Variants in NUDT2 observed in about 807,000 individuals in gnomAD.
NUDT2 encodes bis(5'-nucleosyl)-tetraphosphatase [asymmetrical].
NUDT2 carries 12 observed loss-of-function variants against 14.2 expected under a neutral mutation model. The ratio of observed to expected loss-of-function variants is 0.84; its 90% CI spans 0.54 to 1.37. The LOEUF is 1.37. Among genes scored for constraint, NUDT2 ranks in the 40% most tolerant of loss-of-function variants. NUDT2 has a pLI of 0.00. For missense variants in NUDT2, 167 were observed against 176.7 expected, an observed-to-expected ratio of 0.95 and a Z score of 0.31; for synonymous variants, 67 against 67.4, an observed-to-expected ratio of 0.99 and a Z score of 0.03.
At chr9:34,335,626 T>C (rs1838071807) in intron 1 of NUDT2, among the ~76,000 whole-genome samples, 1 of 152,210 alleles carries the variant, frequency 6.6e-6, no homozygotes, top group South Asian at 2.1e-4. Flanking sequence ...AGCCAAGCAA[T>C]TGAAAGAGCA....
At chr9:34,342,977 T>C (rs1337017073) in intron 4 of NUDT2, 147 bp from the exon 5 acceptor site, 2 of 677,964 alleles carry the variant, frequency 3.0e-6, no homozygotes, top group African/African-American at 1.8e-5. Context: ...GGTGAGCTGA[T>C]TGCACTACTG....
chr9:34,340,852 C>A (rs975608881), intron 4 of NUDT2, among the ~76,000 whole-genome samples: 1 of 152,056 alleles, frequency 6.6e-6, no homozygotes, highest in Admixed American at 6.6e-5. Flanking sequence ...ATTATTATTA[C>A]TATTTTATAG....
chr9:34,343,088 T>G, intron 4 of NUDT2, 36 bp from the exon 5 acceptor site: 1 of 1,541,946 alleles, frequency 6.5e-7, no homozygotes, highest in Non-Finnish European at 8.8e-7. Flanking sequence ...TTTGGAAGAT[T>G]TCCTCCTCCT....
chr9:34,334,403 C>T (rs1372231930), intron 1 of NUDT2, among the ~76,000 whole-genome samples: 1 of 152,192 alleles, frequency 6.6e-6, no homozygotes, highest in African/African-American at 2.4e-5. Context: ...CCTCCGCAAT[C>T]CTGGCTGCAG....
chr9:34,337,820 C>A (rs1440932443), intron 2 of NUDT2, among the ~76,000 whole-genome samples: 1 of 152,110 alleles, frequency 6.6e-6, no homozygotes, highest in East Asian at 1.9e-4. Context: ...TTGCCAGCTG[C>A]TCAGGAGGCT....
At chr9:34,334,074 G>A (rs753059932) in intron 1 of NUDT2, among the ~76,000 whole-genome samples, 8 of 152,080 alleles carry the variant, frequency 5.3e-5, no homozygotes, top group Non-Finnish European at 1.0e-4. Context: ...CAGGTCAGAG[G>A]GAAAATTTGG....
At chr9:34,340,368 G>A (rs970505703) in intron 4 of NUDT2, among the ~76,000 whole-genome samples, 1 of 151,760 alleles carries the variant, frequency 6.6e-6, no homozygotes, top group Non-Finnish European at 1.5e-5. Flanking sequence ...TGGCAGGAGT[G>A]GAGGAGTGAG....
intron 4 of NUDT2, among the ~76,000 whole-genome samples, chr9:34,339,626 T>C (rs967532375): frequency 6.6e-6 from 1 of 152,146 alleles, no homozygotes; most frequent in Admixed American, 6.6e-5. Context: ...GCAGATTGCT[T>C]GAGCCCAGGA....
At chr9:34,341,544 CTG>C (rs1820187916) in intron 4 of NUDT2, among the ~76,000 whole-genome samples, 1 of 152,214 alleles carries the variant, frequency 6.6e-6, no homozygotes, top group Non-Finnish European at 1.5e-5. Flanking sequence ...GAGTCTCGCT[CTG>C]TTGCCCAAAC....
chr9:34,341,574 A>G (rs753415015), intron 4 of NUDT2, among the ~76,000 whole-genome samples: 1 of 152,152 alleles, frequency 6.6e-6, no homozygotes, highest in Non-Finnish European at 1.5e-5. Flanking sequence ...CAATGGCACA[A>G]TCTTGGCTCG....
chr9:34,339,167 G>A lies in NUDT2; in HGVS notation c.127+1G>A. The A allele has an allele frequency of 6.2e-7, 1 of 1,612,594 alleles. No individual in the cohort carries two copies. The highest frequency in any genetic ancestry group is 8.5e-7 in the Non-Finnish European group (1 of 1,178,816). On this transcript the variant is annotated splice_donor_variant, in intron 4 of 4. Transcript: ENST00000379158. LOFTEE classifies it high-confidence loss of function. ...ATTCATCACTGGACTCCTCCCAAAGGTAGAGGCCAGAGGGGCCAGCTCTTG... is the reference window on the plus strand; with the variant it reads ...ATTCATCACTGGACTCCTCCCAAAGATAGAGGCCAGAGGGGCCAGCTCTTG...
At chr9:34,331,537 A>AT (rs1837937268) in intron 1 of NUDT2, among the ~76,000 whole-genome samples, 1 of 152,220 alleles carries the variant, frequency 6.6e-6, no homozygotes, top group Non-Finnish European at 1.5e-5. Context: ...TACCAGACAG[A>AT]TGCAGGGGCA....
At chr9:34,334,655 G>T (rs957027305) in intron 1 of NUDT2, among the ~76,000 whole-genome samples, 2 of 152,216 alleles carry the variant, frequency 1.3e-5, no homozygotes, top group Non-Finnish European at 2.9e-5. Flanking sequence ...TGAGTGGGAG[G>T]TGGGGAGAGA....
chr9:34,332,033 T>C (rs2131851740), intron 1 of NUDT2, among the ~76,000 whole-genome samples: 1 of 152,364 alleles, frequency 6.6e-6, no homozygotes, highest in South Asian at 2.1e-4. Flanking sequence ...ACTGGTCTGT[T>C]GCAATAGACT....
At chr9:34,342,336 C>T (rs912583489) in intron 4 of NUDT2, among the ~76,000 whole-genome samples, 8 of 152,312 alleles carry the variant, frequency 5.3e-5, no homozygotes, top group Admixed American at 3.9e-4. Context: ...CAGGGTCCAC[C>T]TGCAGACAAT....
chr9:34,329,829 C>A (rs1239881344), intron 1 of NUDT2, among the ~76,000 whole-genome samples: 1 of 150,240 alleles, frequency 6.7e-6, no homozygotes, highest in Non-Finnish European at 1.5e-5. Context: ...CTGAGCCTTG[C>A]TTGTCCCCGT....
chr9:34,342,004 C>G (rs905681461), intron 4 of NUDT2, among the ~76,000 whole-genome samples: 11 of 152,296 alleles, frequency 7.2e-5, no homozygotes, highest in Middle Eastern at 6.8e-3. Context: ...CAGTCTTTGC[C>G]CCCTCTGGGG....
intron 1 of NUDT2, among the ~76,000 whole-genome samples, chr9:34,334,959 T>G (rs969963789): frequency 6.6e-6 from 1 of 152,188 alleles, no homozygotes; most frequent in African/African-American, 2.4e-5. Context: ...CTGTACGCTG[T>G]GAAGGACAGA....
At position 34,343,202 on chromosome 9, in the gene NUDT2, A is replaced by T; in HGVS notation, c.206A>T (p.Gln69Leu). 1 of 1,614,146 alleles carries T rather than the reference A, an allele frequency of 6.2e-7. No homozygotes were observed. The highest frequency in any genetic ancestry group is 1.1e-5 in the South Asian group (1 of 91,090). Reference sequence around the variant, plus strand: ...GAGGAAGCAGGCATAGAAGCAGGCCAGCTGACCATTATTGAGGGGTTCAAA... The same window carrying T: ...GAGGAAGCAGGCATAGAAGCAGGCCTGCTGACCATTATTGAGGGGTTCAAA... ...TQEEAGIEAG[Q>L]LTIIEGFKRE... The change falls in exon 5 of 5, where the codon CAG becomes CTG. Residue 69 changes from glutamine (Q) to leucine (L), a missense_variant. Coordinates refer to ENST00000379158, the MANE Select transcript of NUDT2 (RefSeq NM_001161.5).
Sources: gnomAD v4.1 joint callset for allele counts (sites outside exome capture counted in the v4.1 genomes callset) on GRCh38, gnomAD v4.1.1 for gene constraint, MANE v1.5 for transcripts, NCBI Gene and HGNC (gene_info 2026-07-23, HGNC 2026-07-21) for gene names.